The following LPIN2 variants were observed in gnomAD, a reference collection of about 807,000 sequenced individuals.
LPIN2 encodes the protein lipin 2.
In LPIN2, 55 loss-of-function variants were observed where a neutral mutation model predicts 111.4. The ratio of observed to expected loss-of-function variants is 0.49; its 90% confidence interval spans 0.40 to 0.62. The LOEUF (loss-of-function observed/expected upper bound fraction) is 0.62. Among genes scored for constraint, LPIN2 ranks in the 20% least tolerant of loss-of-function variants. LPIN2 has a pLI of 0.00. For missense variants in LPIN2, 992 were observed against 1,112.1 expected (o/e 0.89, Z 1.54); for synonymous variants, 425 against 414.0 (o/e 1.03, Z -0.32).
At chr18:3,007,055 TTATC>T (rs565468539) in intron 1 of LPIN2, among the ~76,000 whole-genome samples, 106 of 151,040 alleles carry the variant, frequency 7.0e-4, no homozygotes, top group African/African-American at 2.6e-3. Flanking sequence ...AAACAAAGCT[TTATC>T]TCTCTCTCAA....
At chr18:2,990,359 A>G (rs369884119) in intron 1 of LPIN2, among the ~76,000 whole-genome samples, 1 of 152,264 alleles carries the variant, frequency 6.6e-6, no homozygotes, top group East Asian at 1.9e-4. Context: ...CAAGAAAAAG[A>G]ATCATACAGA....
At chr18:2,996,334 A>T (rs370798502) in intron 1 of LPIN2, among the ~76,000 whole-genome samples, 6 of 152,004 alleles carry the variant, frequency 3.9e-5, no homozygotes, top group South Asian at 2.1e-4. Context: ...GCAAGACTTC[A>T]TCCCAAAAAT....
chr18:2,971,481 CA>C (rs1468406087), intron 1 of LPIN2, among the ~76,000 whole-genome samples: 1 of 152,176 alleles, frequency 6.6e-6, no homozygotes, highest in African/African-American at 2.4e-5. Flanking sequence ...AGGCTACCTT[CA>C]AACTCTTGAG....
intron 3 of LPIN2, among the ~76,000 whole-genome samples, chr18:2,953,390 A>T (rs933855627): frequency 6.6e-6 from 1 of 152,032 alleles, no homozygotes; most frequent in African/African-American, 2.4e-5. Context: ...ATTATGTTTC[A>T]TTCTGCTCTT....
At chr18:2,992,310 G>A (rs1419289476) in intron 1 of LPIN2, among the ~76,000 whole-genome samples, 1 of 152,152 alleles carries the variant, frequency 6.6e-6, no homozygotes, top group Non-Finnish European at 1.5e-5. Flanking sequence ...AAATAAGCCT[G>A]ACACAAAAGG....
intron 15 of LPIN2, 34 bp downstream of exon 15, chr18:2,924,364 G>T (rs752239361): frequency 3.7e-6 from 6 of 1,613,670 alleles, no homozygotes; most frequent in Non-Finnish European, 5.1e-6. Flanking sequence ...GCACGGGGCT[G>T]TTCCTTGCCA....
At position 3,000,148 on chromosome 18, in the gene LPIN2, A is replaced by G. The variant is rs113933857; in HGVS notation, c.-10+12939T>C. Among the ~76,000 whole-genome samples the G allele has an allele frequency of 4.5e-3, 641 of 143,706 alleles. 5 individuals are homozygous for G. The highest frequency in any genetic ancestry group is 0.016 in the African/African-American group (619 of 39,456). 94.3% of individuals were successfully genotyped at this position (143,706 alleles called of 152,430 possible). Reference sequence around the variant, plus strand: ...GGAGGAGGAGGAGGAGGAGAAGGAGAAAATGTAGAAAGCAGATCTCCCAGT... The same window carrying G: ...GGAGGAGGAGGAGGAGGAGAAGGAGGAAATGTAGAAAGCAGATCTCCCAGT... On this transcript the variant is annotated intron_variant, in intron 1 of 19. Coordinates refer to ENST00000677752, the MANE Select transcript of LPIN2 (RefSeq NM_001375808.2).
At chr18:3,006,611 G>A (rs575373672) in intron 1 of LPIN2, among the ~76,000 whole-genome samples, 4 of 152,228 alleles carry the variant, frequency 2.6e-5, no homozygotes, top group Admixed American at 1.3e-4. Flanking sequence ...GCCGAGGCAG[G>A]GAGGTCACAA....
intron 8 of LPIN2, among the ~76,000 whole-genome samples, chr18:2,933,549 C>A (rs1403150521): frequency 6.6e-6 from 1 of 152,134 alleles, no homozygotes; most frequent in African/African-American, 2.4e-5. Context: ...TCCCAAAATA[C>A]CTGTAAAAAA....
intron 1 of LPIN2, among the ~76,000 whole-genome samples, chr18:3,004,055 A>G (rs1288437465): frequency 6.6e-6 from 1 of 152,180 alleles, no homozygotes; most frequent in Non-Finnish European, 1.5e-5. Context: ...GGTCTCCTAC[A>G]GTACCCTCAG....
intron 1 of LPIN2, among the ~76,000 whole-genome samples, chr18:3,009,032 G>A (rs981742292): frequency 2.0e-5 from 3 of 151,638 alleles, no homozygotes; most frequent in Non-Finnish European, 4.4e-5. Flanking sequence ...TTTAGGAGGC[G>A]AAAGCAGGAG....
At chr18:2,966,086 C>T (rs1323575008) in intron 1 of LPIN2, among the ~76,000 whole-genome samples, 2 of 152,158 alleles carry the variant, frequency 1.3e-5, no homozygotes, top group East Asian at 3.9e-4. Context: ...CAGGAATGTG[C>T]TACCATGCCC....
intron 4 of LPIN2, among the ~76,000 whole-genome samples, chr18:2,945,090 C>T (rs758905360): frequency 9.2e-5 from 14 of 152,046 alleles, no homozygotes; most frequent in Non-Finnish European, 2.1e-4. Context: ...TCATCTCTTC[C>T]TTAAATATTT....
intron 1 of LPIN2, among the ~76,000 whole-genome samples, chr18:2,993,247 A>T (rs1233576728): frequency 1.1e-4 from 16 of 152,198 alleles, no homozygotes; most frequent in Non-Finnish European, 2.4e-4. Flanking sequence ...GTAGGAGAAG[A>T]AAAATAGGAA....
intron 1 of LPIN2, chr18:2,990,616 T>G: frequency 5.5e-6 from 1 of 181,998 alleles, no homozygotes; most frequent in Non-Finnish European, 1.2e-5. Flanking sequence ...ATGGCTATAG[T>G]TTCTGTTAAA....
chr18:2,957,247 G>A (rs562163226), intron 2 of LPIN2, among the ~76,000 whole-genome samples: 34 of 152,242 alleles, frequency 2.2e-4, no homozygotes, highest in African/African-American at 7.9e-4. Flanking sequence ...TATTCATCCT[G>A]TTTCAAATCA....
intron 4 of LPIN2, chr18:2,946,462 T>G (rs1378838462): frequency 6.8e-7 from 1 of 1,480,296 alleles, no homozygotes; most frequent in Non-Finnish European, 9.4e-7. Flanking sequence ...CTGGGTGATA[T>G]GTGCAAGCAT....
At chr18:3,012,770 G>C (rs1215219686) in intron 1 of LPIN2, among the ~76,000 whole-genome samples, 1 of 151,926 alleles carries the variant, frequency 6.6e-6, no homozygotes, top group Non-Finnish European at 1.5e-5. Context: ...GAACTGCGCG[G>C]GTTCAGAGTC....
In LPIN2 at chr18:2,924,540, G is replaced by A. The variant is rs1297307678; in HGVS notation, c.1945C>T (p.Leu649=). 4 of 1,614,086 alleles carry A rather than the reference G, an allele frequency of 2.5e-6. No homozygotes were observed. Among genetic ancestry groups the A allele is most frequent in the East Asian group, 4.5e-5 (2 of 44,906 alleles). ...TCATTTGGGCCATCGTGGAGCTTCAGTTTTGCCTTTTAAAAAAGCATAAGA... is the reference window on the plus strand; with the variant it reads ...TCATTTGGGCCATCGTGGAGCTTCAATTTTGCCTTTTAAAAAAGCATAAGA... ...LRLSSDQIAK[L]KLHDGPNDVV... The change falls in exon 15 of 20, where the codon CTG becomes TTG. Residue 649 remains leucine, a synonymous_variant. Coordinates refer to ENST00000677752, the MANE Select transcript of LPIN2 (RefSeq NM_001375808.2).
Sources: allele counts gnomAD v4.1 joint callset (sites outside exome capture counted in the v4.1 genomes callset), GRCh38; gene constraint gnomAD v4.1.1; transcripts MANE v1.5; gene names NCBI Gene and HGNC (gene_info 2026-07-23, HGNC 2026-07-21).